Variants in BCAS4 observed in about 807,000 individuals in gnomAD.
BCAS4 encodes breast carcinoma amplified sequence 4.
BCAS4 carries 9 observed loss-of-function variants against 15.7 expected under a neutral mutation model. The observed-to-expected ratio is 0.57, with a 90% CI of 0.34 to 1.00. BCAS4 has a LOEUF of 1.00. Among genes scored for constraint, BCAS4 ranks in the 50% least tolerant of loss-of-function variants. The pLI, the probability that BCAS4 is intolerant of heterozygous loss-of-function variation, is 0.02. For missense variants in BCAS4, 225 were observed against 239.1 expected (o/e 0.94, Z 0.39); for synonymous variants, 101 against 99.5 (o/e 1.02, Z -0.09).
chr20:50,842,426 T>C (rs1180368775), intron 4 of BCAS4, among the ~76,000 whole-genome samples: 1 of 152,170 alleles, frequency 6.6e-6, no homozygotes, highest in Non-Finnish European at 1.5e-5. Context: ...GTCCTTTTTG[T>C]CTTGTTTTGA....
intron 4 of BCAS4, among the ~76,000 whole-genome samples, chr20:50,853,885 T>C (rs1978611038): frequency 1.3e-5 from 2 of 152,020 alleles, no homozygotes; most frequent in Middle Eastern, 6.8e-3. Flanking sequence ...TTTTGTGCAC[T>C]GGTGGGTGTT....
chr20:50,831,961 A>G (rs1362940589), intron 3 of BCAS4, among the ~76,000 whole-genome samples: 1 of 152,200 alleles, frequency 6.6e-6, no homozygotes, highest in Non-Finnish European at 1.5e-5. Context: ...TAGCTGATTC[A>G]TTTGAATTTT....
At chr20:50,826,947 G>A (rs952469032) in intron 2 of BCAS4, among the ~76,000 whole-genome samples, 2 of 151,804 alleles carry the variant, frequency 1.3e-5, no homozygotes, top group African/African-American at 4.8e-5. Context: ...CAGCCTGGGT[G>A]ACAAAGCAAG....
chr20:50,861,145 TGGGAGC>T (rs1237485805), intron 4 of BCAS4, among the ~76,000 whole-genome samples: 2 of 152,058 alleles, frequency 1.3e-5, no homozygotes, highest in Admixed American at 1.3e-4. Flanking sequence ...TGAAGTCACC[TGGGAGC>T]GGGAGGCCCA....
At chr20:50,796,410 T>TAC (rs2087857594) in intron 1 of BCAS4, among the ~76,000 whole-genome samples, 2 of 134,576 alleles carry the variant, frequency 1.5e-5, no homozygotes, top group South Asian at 4.9e-4. Context: ...TATATATATA[T>TAC]ACATATATAT....
rs910804300 is a variant in BCAS4, at chr20:50,862,836, T to TTTTG, written c.400-13634_400-13631dup. Among the ~76,000 whole-genome samples the TTTTG allele has an allele frequency of 7.9e-5, 12 of 152,176 alleles. No homozygotes were observed. In the South Asian group the frequency reaches 1.7e-3, roughly 21 times the overall value. On this transcript the variant is annotated intron_variant, in intron 4 of 4. Coordinates refer to ENST00000371608, the MANE Select transcript of BCAS4 (RefSeq NM_198799.4). ...CCTCTCGTTTTGCACTCAGGGCTTT[T>TTTTG]TTTGTTTGTTTGTTTGTTTTTGAGG...
intron 2 of BCAS4, among the ~76,000 whole-genome samples, chr20:50,822,037 T>C (rs1375990568): frequency 6.6e-6 from 1 of 152,308 alleles, no homozygotes; most frequent in East Asian, 1.9e-4. Context: ...CAACCACCCA[T>C]TTATTTTGTG....
At chr20:50,804,431 T>G (rs1211514222) in intron 1 of BCAS4, among the ~76,000 whole-genome samples, 2 of 152,246 alleles carry the variant, frequency 1.3e-5, no homozygotes, top group Non-Finnish European at 2.9e-5. Flanking sequence ...AATTTCATTG[T>G]TTGTCTGAAT....
At chr20:50,811,774 C>T (rs1600851812) in intron 1 of BCAS4, among the ~76,000 whole-genome samples, 1 of 151,910 alleles carries the variant, frequency 6.6e-6, no homozygotes, top group East Asian at 2.0e-4. Flanking sequence ...AGGCTCATGC[C>T]ACCAGGCCTG....
At chr20:50,874,399 C>G (rs113100252) in intron 4 of BCAS4, among the ~76,000 whole-genome samples, 3,714 of 152,234 alleles carry the variant, frequency 0.024, 160 homozygotes, top group African/African-American at 0.084. Flanking sequence ...GAAGGTCCTA[C>G]ACGGCTCAGC....
At chr20:50,881,400 TA>T (rs1340160338), downstream of BCAS4, 1 of 152,114 alleles carries the variant, frequency 6.6e-6, no homozygotes, top group African/African-American at 2.4e-5. Context: ...AACAAAATCC[TA>T]AGCAAATTCA....
intron 2 of BCAS4, among the ~76,000 whole-genome samples, chr20:50,820,541 G>A (rs1415653463): frequency 6.6e-6 from 1 of 152,184 alleles, no homozygotes; most frequent in Non-Finnish European, 1.5e-5. Context: ...AGGGAAGGCA[G>A]GTCGGGAGGA....
intron 3 of BCAS4, among the ~76,000 whole-genome samples, chr20:50,835,734 A>G (rs74582151): frequency 3.3e-5 from 5 of 151,910 alleles, no homozygotes; most frequent in Admixed American, 3.3e-4. Context: ...TCTGCCCTAG[A>G]GTCTCACCAA....
chr20:50,856,098 C>T (rs978000415), intron 4 of BCAS4, among the ~76,000 whole-genome samples: 21 of 152,172 alleles, frequency 1.4e-4, no homozygotes, highest in African/African-American at 4.3e-4. Context: ...AGGTTGGGCC[C>T]GGCAGGGGAT....
chr20:50,852,682 G>A (rs1355061455), intron 4 of BCAS4, among the ~76,000 whole-genome samples: 3 of 152,202 alleles, frequency 2.0e-5, no homozygotes, highest in Admixed American at 1.3e-4. Context: ...GCACCCGGCC[G>A]AGGCCTTGCA....
At chr20:50,822,783 C>T (rs150327034) in intron 2 of BCAS4, among the ~76,000 whole-genome samples, 2,273 of 151,836 alleles carry the variant, frequency 0.015, 64 homozygotes, top group African/African-American at 0.052. Context: ...CCCACCACCA[C>T]GCCTGGCTAA....
Position 50,875,209 on chromosome 20 carries a change from C to T in BCAS4, c.400-1277C>T, listed in dbSNP as rs6096143. Among the ~76,000 whole-genome samples, 119 of 152,288 alleles carry T rather than the reference C, an allele frequency of 7.8e-4. 1 individual carries two copies. The highest frequency in any genetic ancestry group is 1.1e-3 in the Non-Finnish European group (73 of 68,028). On this transcript the variant is annotated intron_variant, in intron 4 of 4. Coordinates refer to ENST00000371608, the MANE Select transcript of BCAS4 (RefSeq NM_198799.4). ...TCATAAAACTCCCAGGAGATTCCAG[C>T]GCATGGCCAGGTTTGACAGCCGTCA...
At chr20:50,813,054 AGT>A (rs2088091189) in intron 1 of BCAS4, among the ~76,000 whole-genome samples, 1 of 152,050 alleles carries the variant, frequency 6.6e-6, no homozygotes, top group East Asian at 1.9e-4. Flanking sequence ...CCTGGGCTTA[AGT>A]GATCTGCCTG....
intron 4 of BCAS4, among the ~76,000 whole-genome samples, chr20:50,871,998 G>A (rs968398604): frequency 1.3e-5 from 2 of 152,170 alleles, no homozygotes; most frequent in Admixed American, 6.5e-5. Flanking sequence ...GGTGGCTCAC[G>A]CCTGTAATCC....
Sources: allele counts gnomAD v4.1 joint callset (sites outside exome capture counted in the v4.1 genomes callset), GRCh38; gene constraint gnomAD v4.1.1; transcripts MANE v1.5; gene names NCBI Gene and HGNC (gene_info 2026-07-23, HGNC 2026-07-21).